FRMPD4: variants seen among roughly 807,000 people sequenced by gnomAD.
FRMPD4 encodes FERM and PDZ domain-containing protein 4.
Under a neutral mutation model 94.1 loss-of-function variants are expected in FRMPD4, and 22 were observed. That is an observed-to-expected ratio of 0.23 (90% CI 0.17 to 0.33). The LOEUF (loss-of-function observed/expected upper bound fraction) is 0.33. FRMPD4 is among the 10% of genes least tolerant of loss of function. The pLI is 1.00. For missense variants in FRMPD4, 1,111 were observed against 1,339.9 expected, an observed-to-expected ratio of 0.83 and a Z score of 2.67; for synonymous variants, 631 against 548.6, an observed-to-expected ratio of 1.15 and a Z score of -2.10.
At chrX:12,476,225 A>G (rs2057596600) in intron 1 of FRMPD4, among the ~76,000 whole-genome samples, 1 of 112,228 alleles carries the variant, frequency 8.9e-6, no homozygotes, top group Non-Finnish European at 1.9e-5. Context: ...AGGACTGCCT[A>G]TTTAATAAAT....
At position 12,589,645 on chromosome X, in the gene FRMPD4, G is replaced by A. The variant is rs754532406; in HGVS notation, c.159-20076G>A. On this transcript the variant is annotated intron_variant, in intron 2 of 16. Transcript: ENST00000675598. ...ACTTTCAACATATTAAACACGTTCT[G>A]AGACATGCCTATGAAAAGTGAATTG... Among the ~76,000 whole-genome samples, 4 of 111,707 alleles carry A rather than the reference G, an allele frequency of 3.6e-5. No homozygotes were observed. In the South Asian group the frequency reaches 1.5e-3, roughly 43 times the overall value.
chrX:12,716,001 T>TGGGGGCCCCC, intron 14 of FRMPD4, 68 bp from the exon 15 acceptor site: 6 of 231,653 alleles, frequency 2.6e-5, no homozygotes, highest in Non-Finnish European at 4.1e-5. Context: ...GAGACGAGCC[T>TGGGGGCCCCC]CCCACCCCCG....
In FRMPD4 at chrX:12,634,006, G is replaced by C. The variant is rs749540557; in HGVS notation, c.422+19125G>C. Among the ~76,000 whole-genome samples, 113 of 112,279 alleles carry C rather than the reference G, an allele frequency of 1.0e-3. 2 individuals are homozygous for C. Among genetic ancestry groups the C allele is most frequent in the African/African-American group, 3.6e-3 (110 of 30,978 alleles). On this transcript the variant is annotated intron_variant, in intron 4 of 16. Coordinates refer to ENST00000675598, the MANE Select transcript of FRMPD4 (RefSeq NM_001368397.1). ...AAAAAATTTATAAATCTTGTCATTAGACAGAAACAATTGTAATATATTATT... is the reference window on the plus strand; with the variant it reads ...AAAAAATTTATAAATCTTGTCATTACACAGAAACAATTGTAATATATTATT...
chrX:12,599,895 A>C (rs2059069171), intron 2 of FRMPD4, among the ~76,000 whole-genome samples: 1 of 106,416 alleles, frequency 9.4e-6, no homozygotes, highest in Admixed American at 1.0e-4. Flanking sequence ...TAAATAATAT[A>C]TTATGGAGAA....
At chrX:11,836,259 C>A (rs1478257789) in intron 1 of FRMPD4, among the ~76,000 whole-genome samples, 2 of 111,751 alleles carry the variant, frequency 1.8e-5, no homozygotes, top group East Asian at 2.8e-4. Context: ...ACCTCTGCAA[C>A]ACATACCAAA....
At chrX:12,565,662 G>C (rs1406302305) in intron 2 of FRMPD4, among the ~76,000 whole-genome samples, 2 of 112,029 alleles carry the variant, frequency 1.8e-5, no homozygotes, top group East Asian at 5.5e-4. Flanking sequence ...TGACTACTAA[G>C]TGCAATGTGG....
chrX:12,570,189 C>G (rs747004384), intron 2 of FRMPD4, among the ~76,000 whole-genome samples: 1 of 112,429 alleles, frequency 8.9e-6, no homozygotes, highest in South Asian at 3.7e-4. Flanking sequence ...CAAGGCATCT[C>G]CTGTAATTCC....
chrX:11,961,851 C>T (rs1053066985), intron 3 of FRMPD4, among the ~76,000 whole-genome samples: 10 of 111,836 alleles, frequency 8.9e-5, no homozygotes, highest in South Asian at 3.8e-4. Flanking sequence ...TGATCTATTT[C>T]CCAGGCCTTC....
chrX:12,144,358 T>G (rs2055733196), intron 1 of FRMPD4, among the ~76,000 whole-genome samples: 1 of 111,736 alleles, frequency 8.9e-6, no homozygotes, highest in Non-Finnish European at 1.9e-5. Flanking sequence ...TCTGAGTAAT[T>G]TAGGTCATTA....
chrX:12,100,156 A>C (rs1415943551), intron 3 of FRMPD4, among the ~76,000 whole-genome samples: 2 of 112,234 alleles, frequency 1.8e-5, no homozygotes, highest in Non-Finnish European at 3.8e-5. Flanking sequence ...CTGTAGCTCA[A>C]CTATTTGGTG....
intron 1 of FRMPD4, among the ~76,000 whole-genome samples, chrX:11,831,891 A>G (rs1298759755): frequency 1.8e-5 from 2 of 112,304 alleles, no homozygotes; most frequent in Non-Finnish European, 3.8e-5. Flanking sequence ...TAAAAGATAG[A>G]TCTTTCTGTC....
intron 2 of FRMPD4, among the ~76,000 whole-genome samples, chrX:12,561,048 C>T (rs1041724636): frequency 8.2e-5 from 9 of 110,172 alleles, no homozygotes; most frequent in South Asian, 3.9e-4. Context: ...GGATTACAGG[C>T]GTGAGCCACC....
chrX:12,209,588 C>G (rs771228941), intron 1 of FRMPD4, among the ~76,000 whole-genome samples: 6 of 111,968 alleles, frequency 5.4e-5, no homozygotes, highest in Non-Finnish European at 1.1e-4. Context: ...ATTTAAAAGC[C>G]CTGCAGTAGT....
At chrX:11,878,456 C>T (rs991560142) in intron 3 of FRMPD4, among the ~76,000 whole-genome samples, 11 of 112,091 alleles carry the variant, frequency 9.8e-5, no homozygotes, top group African/African-American at 3.6e-4. Context: ...AAGATGCTGT[C>T]TTCTCAGTGA....
intron 1 of FRMPD4, among the ~76,000 whole-genome samples, chrX:12,182,076 A>G (rs960528179): frequency 4.5e-5 from 5 of 111,600 alleles, no homozygotes; most frequent in African/African-American, 1.6e-4. Flanking sequence ...CTGGAGCTGA[A>G]AGTAGTCAGC....
intron 1 of FRMPD4, among the ~76,000 whole-genome samples, chrX:12,417,306 C>T (rs1216520796): frequency 1.8e-5 from 2 of 111,038 alleles, no homozygotes; most frequent in Non-Finnish European, 3.8e-5. Context: ...TGGCCCGGTG[C>T]GGTAGCTCAC....
chrX:11,857,373 A>G (rs935763875), intron 1 of FRMPD4, among the ~76,000 whole-genome samples: 1 of 111,608 alleles, frequency 9.0e-6, no homozygotes, highest in African/African-American at 3.3e-5. Flanking sequence ...AACTATAGAC[A>G]AATGGAACAT....
intron 1 of FRMPD4, among the ~76,000 whole-genome samples, chrX:12,190,201 G>T: frequency 9.0e-6 from 1 of 111,134 alleles, no homozygotes; most frequent in Non-Finnish European, 1.9e-5. Flanking sequence ...TTTCATGAAA[G>T]AAATTAAAGA....
chrX:12,431,983 C>T (rs1204335083), intron 1 of FRMPD4, among the ~76,000 whole-genome samples: 1 of 112,291 alleles, frequency 8.9e-6, no homozygotes, highest in African/African-American at 3.2e-5. Context: ...CTACGGTCTA[C>T]TTACAGAGAG....
Sources: gnomAD v4.1 joint callset for allele counts (sites outside exome capture counted in the v4.1 genomes callset) on GRCh38, gnomAD v4.1.1 for gene constraint, MANE v1.5 for transcripts, NCBI Gene and HGNC (gene_info 2026-07-23, HGNC 2026-07-21) for gene names.